SEPSECS: variants seen among roughly 807,000 people sequenced by gnomAD.
The protein encoded by SEPSECS is Sep (O-phosphoserine) tRNA:Sec (selenocysteine) tRNA synthase.
SEPSECS carries 42 observed loss-of-function variants against 52.1 expected under a neutral mutation model. The ratio of observed to expected loss-of-function variants is 0.81; its 90% CI spans 0.63 to 1.04. The LOEUF (loss-of-function observed/expected upper bound fraction) is 1.04. Ranked by LOEUF, SEPSECS falls within the 50% of genes least tolerant of loss-of-function variation. SEPSECS has a pLI of 0.00. For missense variants in SEPSECS, 590 were observed against 610.6 expected, an observed-to-expected ratio of 0.97 and a Z score of 0.36; for synonymous variants, 216 against 211.4, an observed-to-expected ratio of 1.02 and a Z score of -0.19.
chr4:25,125,591 A>T, intron 10 of SEPSECS, 103 bp downstream of exon 10: 1 of 761,534 alleles, frequency 1.3e-6, no homozygotes, highest in South Asian at 1.5e-5. Context: ...ATTCGCAGGT[A>T]TAGTTCAGGA....
intron 1 of SEPSECS, chr4:25,160,011 C>T: frequency 1.0e-6 from 1 of 985,424 alleles, no homozygotes; most frequent in South Asian, 4.7e-5. Flanking sequence ...AAGTTAGAAA[C>T]AGCGGGACTC....
rs1487431201 is a variant in SEPSECS, at chr4:25,120,778, ATTG to A, written c.*3150_*3152del. 6.6e-6 allele frequency: 1 copy of A among 152,142 alleles called. No homozygotes were observed. Among genetic ancestry groups the A allele is most frequent in the African/African-American group, 2.4e-5 (1 of 41,454 alleles). 9.4% of individuals were successfully genotyped at this position (152,142 alleles called of 1,614,324 possible). A position where few individuals can be genotyped will look rare whatever the true frequency, so the allele number is the denominator to read the frequency against. On this transcript the variant is annotated 3_prime_UTR_variant, in exon 11 of 11. Coordinates refer to ENST00000382103, the MANE Select transcript of SEPSECS (RefSeq NM_016955.4). ...GAGTCAGACTCACCAGAGCTTTATTATTGTTGTTTTCAGCTGTTGGTTATTTTC... is the reference window on the plus strand; with the variant it reads ...GAGTCAGACTCACCAGAGCTTTATTATTGTTTTCAGCTGTTGGTTATTTTC...
chr4:25,149,864 T>C (rs1348932559), intron 6 of SEPSECS, among the ~76,000 whole-genome samples: 1 of 152,186 alleles, frequency 6.6e-6, no homozygotes, highest in Non-Finnish European at 1.5e-5. Context: ...AGTTAAGGAA[T>C]AGCAAAAAGA....
At chr4:25,144,980 C>G (rs771023497) in intron 7 of SEPSECS, 24 bp downstream of exon 7, 8 of 1,613,492 alleles carry the variant, frequency 5.0e-6, no homozygotes, top group Non-Finnish European at 6.8e-6. Flanking sequence ...GCTACTTTTT[C>G]TGAAAAGCAA....
At chr4:25,159,744 C>A in intron 1 of SEPSECS, 19 of 981,484 alleles carry the variant, frequency 1.9e-5, no homozygotes, top group Non-Finnish European at 2.4e-5. Flanking sequence ...TGCATTCCAG[C>A]CTGGGCGAAA....
intron 1 of SEPSECS, chr4:25,159,694 C>G: frequency 3.5e-6 from 2 of 572,084 alleles, no homozygotes; most frequent in South Asian, 2.4e-5. Flanking sequence ...ATGGCGTGAA[C>G]CCGGGAGGCG....
At chr4:25,125,884 T>C in intron 9 of SEPSECS, 100 bp from the exon 10 acceptor site, 1 of 774,774 alleles carries the variant, frequency 1.3e-6, no homozygotes, top group East Asian at 2.7e-5. Context: ...TTTTTATTCA[T>C]TGTCAAGTGG....
chr4:25,153,150 C>T (rs148195244), intron 5 of SEPSECS, among the ~76,000 whole-genome samples: 224 of 151,946 alleles, frequency 1.5e-3, no homozygotes, highest in Middle Eastern at 6.8e-3. Flanking sequence ...TTTTATCATT[C>T]ATTTTCACAA....
intron 9 of SEPSECS, 53 bp downstream of exon 9, chr4:25,127,211 C>T: frequency 9.2e-7 from 1 of 1,089,840 alleles, no homozygotes; most frequent in East Asian, 2.4e-5. Flanking sequence ...GTATCAGCTT[C>T]CTCCTAGAGT....
In SEPSECS at chr4:25,140,971, A is replaced by G. The variant is rs75508280; in HGVS notation, c.1026+3803T>C. On this transcript the variant is annotated intron_variant, in intron 8 of 10. Coordinates refer to ENST00000382103, the MANE Select transcript of SEPSECS (RefSeq NM_016955.4). ...GAATATGCACAGAGTTCTTCTCTTGACATTATTTCCTAAACAATACAGTAT... is the reference window on the plus strand; with the variant it reads ...GAATATGCACAGAGTTCTTCTCTTGGCATTATTTCCTAAACAATACAGTAT... Among the ~76,000 whole-genome samples the G allele has an allele frequency of 3.6e-3, 554 of 152,162 alleles. 6 individuals are homozygous for G. The highest frequency in any genetic ancestry group is 0.013 in the African/African-American group (532 of 41,530).
At chr4:25,144,204 G>A (rs908001556) in intron 8 of SEPSECS, among the ~76,000 whole-genome samples, 22 of 151,884 alleles carry the variant, frequency 1.4e-4, no homozygotes, top group Admixed American at 1.2e-3. Flanking sequence ...GTCGGGTGTG[G>A]TGGCGGGCGC....
Position 25,159,102 on chromosome 4 carries a change from C to T in SEPSECS, c.120G>A (p.Lys40=), listed in dbSNP as rs1406490893. The part of the protein sequence containing the change: ...HLIRLLLEKG[K]CPENGWDEST... Reference sequence around the variant, plus strand: ...TTTCATCCCAGCCATTCTCTGGACACTTGCCCTTAAAAAAAAAAAAAAACT... The same window carrying T: ...TTTCATCCCAGCCATTCTCTGGACATTTGCCCTTAAAAAAAAAAAAAAACT... The change falls in exon 2 of 11, where the codon AAG becomes AAA. Residue 40 remains lysine (K), a synonymous_variant. Transcript: ENST00000382103. The T allele has an allele frequency of 1.3e-6, 2 of 1,560,904 alleles. No individual in the cohort carries two copies. The highest frequency in any genetic ancestry group is 3.0e-5 in the African/African-American group (2 of 66,292).
chr4:25,154,684 T>A (rs1712509994), intron 5 of SEPSECS, among the ~76,000 whole-genome samples: 1 of 152,040 alleles, frequency 6.6e-6, no homozygotes, highest in Non-Finnish European at 1.5e-5. Context: ...GAAAAGAAAC[T>A]TCTATTAAAT....
Position 25,148,351 on chromosome 4 carries a change from T to A in SEPSECS, c.805-3218A>T, listed in dbSNP as rs1188070774. Reference sequence around the variant, plus strand: ...CTGGGCGACAGAGCGAGACTCCGTCTCAAAAAAAAAAAAAAAAAAAAAAAA... The same window carrying A: ...CTGGGCGACAGAGCGAGACTCCGTCACAAAAAAAAAAAAAAAAAAAAAAAA... On this transcript the variant is annotated intron_variant, in intron 6 of 10. Coordinates refer to ENST00000382103, the MANE Select transcript of SEPSECS (RefSeq NM_016955.4). Among the ~76,000 whole-genome samples, 65 of 39,948 alleles carry A rather than the reference T, an allele frequency of 1.6e-3. 1 individual carries two copies. Among genetic ancestry groups the A allele is most frequent in the African/African-American group, 7.3e-3 (65 of 8,958 alleles). 26.2% of individuals were successfully genotyped at this position (39,948 alleles called of 152,430 possible).
At chr4:25,159,488 C>A in intron 1 of SEPSECS, 1 of 353,340 alleles carries the variant, frequency 2.8e-6, no homozygotes, top group Admixed American at 3.7e-5. Context: ...GAAATTTTGG[C>A]CACGCGCTGT....
At chr4:25,131,471 G>A (rs1728602668) in intron 8 of SEPSECS, among the ~76,000 whole-genome samples, 1 of 152,178 alleles carries the variant, frequency 6.6e-6, no homozygotes, top group South Asian at 2.1e-4. Context: ...CATATTGGAG[G>A]AAAACAGTAC....
At position 25,160,300 on chromosome 4, in the gene SEPSECS, C is replaced by G. The variant is rs893428870; in HGVS notation, c.70G>C (p.Ala24Pro). ...ATGAGGTGCTCATGCGAGCGGCGGG[C>G]CTCACAGCCCTGCCGCACGTAAGCC... ...SPAYVRQGCE[A>P]RRSHEHLIRL... The change falls in exon 1 of 11, where the codon GCC becomes CCC. Residue 24 changes from alanine (A) to proline (P), a missense_variant. Ala to Pro is a conservative substitution (Grantham distance 27). Transcript: ENST00000382103. The G allele has an allele frequency of 6.4e-7, 1 of 1,550,420 alleles. No homozygotes were observed. Among genetic ancestry groups the G allele is most frequent in the Non-Finnish European group, 8.7e-7 (1 of 1,146,794 alleles).
At chr4:25,150,046 C>A (rs997121444) in intron 6 of SEPSECS, among the ~76,000 whole-genome samples, 20 of 152,184 alleles carry the variant, frequency 1.3e-4, no homozygotes. Flanking sequence ...GACATCCTAA[C>A]TGATACAAAG....
intron 6 of SEPSECS, among the ~76,000 whole-genome samples, chr4:25,145,701 C>T (rs920501511): frequency 2.0e-5 from 3 of 152,196 alleles, no homozygotes; most frequent in African/African-American, 7.2e-5. Context: ...TGGTTTTAAA[C>T]ATCCTCTGTG....
Sources: allele counts gnomAD v4.1 joint callset (sites outside exome capture counted in the v4.1 genomes callset), GRCh38; gene constraint gnomAD v4.1.1; transcripts MANE v1.5; gene names NCBI Gene and HGNC (gene_info 2026-07-23, HGNC 2026-07-21).